Variants in SCYL1 observed in about 807,000 individuals in gnomAD.
SCYL1 encodes the protein SCY1 like pseudokinase 1.
SCYL1 carries 85 observed loss-of-function variants against 94.8 expected under a neutral mutation model. That is an observed-to-expected ratio of 0.90 (90% CI 0.75 to 1.07). The LOEUF (loss-of-function observed/expected upper bound fraction) is 1.07. SCYL1 is among the 50% of genes least tolerant of loss of function. The pLI is 0.00. For synonymous variants in SCYL1, 459 were observed against 435.5 expected (o/e 1.05, Z -0.67); for missense variants, 968 against 1,083.3 (o/e 0.89, Z 1.49).
intron 6 of SCYL1, among the ~76,000 whole-genome samples, chr11:65,529,278 A>G (rs1229808108): frequency 2.6e-5 from 4 of 152,190 alleles, no homozygotes; most frequent in African/African-American, 9.7e-5. Context: ...CCTCCTGGGC[A>G]GTGTCGGGGC....
intron 13 of SCYL1, 77 bp downstream of exon 13, chr11:65,536,827 A>C: frequency 1.3e-6 from 2 of 1,484,374 alleles, no homozygotes; most frequent in South Asian, 2.5e-5. Context: ...TTACTGTCTG[A>C]CTCCCCCGGG....
chr11:65,538,419 G>T (rs781250002), intron 17 of SCYL1, 23 bp from the exon 18 acceptor site: 2 of 1,543,062 alleles, frequency 1.3e-6, no homozygotes, highest in Non-Finnish European at 8.7e-7. Flanking sequence ...AGCTGAGACC[G>T]GGGCTCCCCT....
intron 13 of SCYL1, 78 bp downstream of exon 13, chr11:65,536,828 C>A (rs2135091961): frequency 2.0e-6 from 3 of 1,480,568 alleles, no homozygotes; most frequent in East Asian, 4.6e-5. Context: ...TACTGTCTGA[C>A]TCCCCCGGGG....
intron 7 of SCYL1, among the ~76,000 whole-genome samples, chr11:65,531,362 C>T (rs553825262): frequency 2.0e-5 from 3 of 152,284 alleles, no homozygotes; most frequent in African/African-American, 4.8e-5. Context: ...GGGCCCAGAG[C>T]TTTCATCAGC....
chr11:65,526,894 T>C lies in SCYL1; in HGVS notation c.693+21T>C. ...GGAAGGTAAGTTTCTTGCCCCTGGC[T>C]CTTTGCCCTGCCTCAGCCCCTCTGC... On this transcript the variant is annotated intron_variant, in intron 5 of 17. Transcript: ENST00000270176. This position sits in a 1 kb window ranked among gnomAD's most constrained non-coding sequence, Gnocchi z 4.1. 1.2e-6 allele frequency: 2 copies of C among 1,612,658 alleles called. No homozygotes were observed. Among genetic ancestry groups the C allele is most frequent in the Non-Finnish European group, 1.7e-6 (2 of 1,179,408 alleles).
At position 65,536,314 on chromosome 11, in the gene SCYL1, C is replaced by T. The variant is rs572796072; in HGVS notation, c.1631C>T (p.Pro544Leu). 14 of 1,614,110 alleles carry T rather than the reference C, an allele frequency of 8.7e-6. No homozygotes were observed. The highest frequency in any genetic ancestry group is 1.7e-5 in the Admixed American group (1 of 60,022). The change falls in exon 12 of 18, where the codon CCG becomes CTG. Residue 544 changes from proline to leucine, a missense_variant. Physicochemically the swap from Pro to Leu is moderately conservative, Grantham distance 98. Coordinates refer to ENST00000270176, the MANE Select transcript of SCYL1 (RefSeq NM_020680.4). ...AAATTGGAGTCTGTGTCGGAGGACC[C>T]GACCCAGCTGGAGGAAGTGGGTGAG... The part of the protein sequence containing the change: ...LSKLESVSED[P>L]TQLEEVEKDV...
chr11:65,525,439 C>A (rs1855024886), intron 1 of SCYL1, 135 bp from the exon 2 acceptor site: 3 of 1,170,504 alleles, frequency 2.6e-6, no homozygotes, highest in Non-Finnish European at 3.5e-6. Flanking sequence ...GACCGACAGG[C>A]GGACAGGGCC....
chr11:65,525,183 G>A lies in SCYL1; in HGVS notation c.30G>A (p.Arg10=), dbSNP rs1443945064. Reference sequence around the variant, plus strand: ...GGTTCTTTGCCCGGGACCCGGTCCGGGACTTTCCGTTCGAGCTCATCCCGG... The same window carrying A: ...GGTTCTTTGCCCGGGACCCGGTCCGAGACTTTCCGTTCGAGCTCATCCCGG... MWFFARDPV[R]DFPFELIPEP... The change falls in exon 1 of 18, where the codon CGG becomes CGA. Residue 10 remains arginine (R), a synonymous_variant. Coordinates refer to ENST00000270176, the MANE Select transcript of SCYL1 (RefSeq NM_020680.4). 2.1e-6 allele frequency: 3 copies of A among 1,447,646 alleles called. No individual in the cohort carries two copies. Among genetic ancestry groups the A allele is most frequent in the South Asian group, 1.4e-5 (1 of 73,004 alleles). 89.7% of individuals were successfully genotyped at this position (1,447,646 alleles called of 1,614,324 possible). A position where few individuals can be genotyped will look rare whatever the true frequency, so the allele number is the denominator to read the frequency against.
At position 65,537,062 on chromosome 11, in the gene SCYL1, C is replaced by G. The variant is rs911834141; in HGVS notation, c.1893C>G (p.Asp631Glu). 20 of 1,613,982 alleles carry G rather than the reference C, an allele frequency of 1.2e-5. No individual in the cohort carries two copies. Among genetic ancestry groups the G allele is most frequent in the Non-Finnish European group, 1.7e-5 (20 of 1,179,976 alleles). Residue 631 changes from aspartate to glutamate, a missense_variant, in exon 14 of 18, where the codon GAC becomes GAG. Physicochemically the swap from Asp to Glu is conservative, Grantham distance 45. Around this residue, in one of 2 missense-constraint regions of SCYL1, gnomAD observed 474 missense variants for 463.6 expected, o/e 1.02. Coordinates refer to ENST00000270176, the MANE Select transcript of SCYL1 (RefSeq NM_020680.4). ...TSGHWETQEE[D>E]KDTAEDSSTA... ...GCCACTGGGAGACGCAGGAGGAGGACAAGGACACAGCAGAGGACAGCAGCA... is the reference window on the plus strand; with the variant it reads ...GCCACTGGGAGACGCAGGAGGAGGAGAAGGACACAGCAGAGGACAGCAGCA...
At chr11:65,529,141 A>G (rs1401725669) in intron 6 of SCYL1, among the ~76,000 whole-genome samples, 1 of 152,150 alleles carries the variant, frequency 6.6e-6, no homozygotes, top group African/African-American at 2.4e-5. Flanking sequence ...GGAGAGTGGC[A>G]GACACTCCAC....
At chr11:65,533,808 C>G (rs576034514) in intron 9 of SCYL1, among the ~76,000 whole-genome samples, 2 of 151,350 alleles carry the variant, frequency 1.3e-5, no homozygotes, top group Non-Finnish European at 3.0e-5. Flanking sequence ...TTAGGCCGGG[C>G]CTGGTGGCCC....
At position 65,525,572 on chromosome 11, in the gene SCYL1, A is replaced by G; in HGVS notation, c.112-2A>G. ...ATCTCAGGCCCCGCTGCCCTCCCCT[A>G]GGCCACAGGCAGCCCCGTGTCCATC... On this transcript the variant is annotated splice_acceptor_variant, in intron 1 of 17. Transcript: ENST00000270176. LOFTEE classifies it high-confidence loss of function. 6.2e-7 allele frequency: 1 copy of G among 1,611,762 alleles called. No homozygotes were observed. The highest frequency in any genetic ancestry group is 2.2e-5 in the East Asian group (1 of 44,876).
Position 65,526,433 on chromosome 11 carries a change from T to TC in SCYL1, c.602+87dup. On this transcript the variant is annotated intron_variant, in intron 4 of 17. Transcript: ENST00000270176. The surrounding 1 kb of genome is among the most constrained non-coding windows in gnomAD (Gnocchi z 4.1). The stretch of plus-strand genomic sequence containing the variant: ...TCAGGACTCCTAGACTAGTTGGCAC[T>TC]CCCCTGTTCCCTGCTGCCTGGCTGG... 1 of 1,094,942 alleles carries TC rather than the reference T, an allele frequency of 9.1e-7. No homozygotes were observed. The highest frequency in any genetic ancestry group is 1.3e-6 in the Non-Finnish European group (1 of 765,978). The allele number at this position is 1,094,942 out of a possible 1,614,324, so 67.8% of individuals were successfully genotyped here. A position where few individuals can be genotyped will look rare whatever the true frequency, so the allele number is the denominator to read the frequency against.
chr11:65,531,533 C>A, intron 7 of SCYL1, 43 bp from the exon 8 acceptor site: 1 of 1,459,400 alleles, frequency 6.9e-7, no homozygotes, highest in Non-Finnish European at 9.6e-7. Flanking sequence ...GCAAAGTCAG[C>A]CCATTCCTGT....
In SCYL1 at chr11:65,526,725, G is replaced by T; in HGVS notation, c.603-58G>T. On this transcript the variant is annotated intron_variant, in intron 4 of 17. Transcript: ENST00000270176. The surrounding 1 kb of genome is among the most constrained non-coding windows in gnomAD (Gnocchi z 4.1). ...AGTGGGTGCCTGGTGCCCAAGGCAGGCTGGAGGCCTGTGCAGGTGGTTGGT... is the reference window on the plus strand; with the variant it reads ...AGTGGGTGCCTGGTGCCCAAGGCAGTCTGGAGGCCTGTGCAGGTGGTTGGT... 1 of 1,543,108 alleles carries T rather than the reference G, an allele frequency of 6.5e-7. No homozygotes were observed. The highest frequency in any genetic ancestry group is 8.8e-7 in the Non-Finnish European group (1 of 1,130,070).
chr11:65,536,418 C>A, intron 12 of SCYL1, 84 bp downstream of exon 12: 3 of 1,487,784 alleles, frequency 2.0e-6, no homozygotes, highest in Middle Eastern at 3.4e-4. Flanking sequence ...ACTGGAGTTT[C>A]TGAAAGGTCC....
intron 14 of SCYL1, 67 bp downstream of exon 14, chr11:65,537,195 G>A: frequency 6.4e-7 from 1 of 1,572,284 alleles, no homozygotes; most frequent in South Asian, 1.1e-5. Context: ...CATTCAGGGA[G>A]CTTCTGTGGG....
Position 65,536,680 on chromosome 11 carries a change from C to T in SCYL1, c.1746C>T (p.Ser582=). 1 of 1,614,064 alleles carries T rather than the reference C, an allele frequency of 6.2e-7. No homozygotes were observed. Among genetic ancestry groups the T allele is most frequent in the South Asian group, 1.1e-5 (1 of 91,078 alleles). The change falls in exon 13 of 18, where the codon TCC becomes TCT. Residue 582 remains serine (S), a synonymous_variant. Transcript: ENST00000270176. ...TGACCGGGGTCTCCTCACTCACCTC[C>T]AAGCTGATCCGTTCGCACCCAACCA... ...WAVTGVSSLT[S]KLIRSHPTTA... is the part of the protein sequence containing the mutation.
chr11:65,534,025 A>G (rs920383374), intron 9 of SCYL1, among the ~76,000 whole-genome samples: 15 of 152,080 alleles, frequency 9.9e-5, no homozygotes, highest in Non-Finnish European at 2.1e-4. Flanking sequence ...GCAGGAGATC[A>G]AGACCATCCT....
Sources: gnomAD v4.1 joint callset for allele counts (sites outside exome capture counted in the v4.1 genomes callset) on GRCh38, gnomAD v4.1.1 for gene constraint, gnomAD v4.1.1 regional missense constraint, Gnocchi (gnomAD v3.1) non-coding constraint, MANE v1.5 for transcripts, NCBI Gene and HGNC (gene_info 2026-07-23, HGNC 2026-07-21) for gene names.